Variants in ULK4 observed in about 807,000 individuals in gnomAD.
ULK4 encodes the protein unc-51 like kinase 4, also known as inactive serine/threonine-protein kinase ULK4.
ULK4 carries 133 observed loss-of-function variants against 160.6 expected under a neutral mutation model. The ratio of observed to expected loss-of-function variants is 0.83; its 90% confidence interval spans 0.72 to 0.96. The LOEUF is 0.96. Among genes scored for constraint, ULK4 ranks in the 40% least tolerant of loss-of-function variants. ULK4 has a pLI of 0.00. For missense variants in ULK4, 1,580 were observed against 1,499.5 expected, an observed-to-expected ratio of 1.05 and a Z score of -0.89; for synonymous variants, 534 against 539.8, an observed-to-expected ratio of 0.99 and a Z score of 0.15.
rs557235896 is a variant in ULK4 at position 41,851,966 on chromosome 3, T to G, written c.1657-15995A>C. 7.8e-4 allele frequency among the ~76,000 whole-genome samples: 119 copies of G among 152,244 alleles called. 2 individuals are homozygous for G. The highest frequency in any genetic ancestry group is 2.8e-3 in the African/African-American group (115 of 41,544). On this transcript the variant is annotated intron_variant, in intron 17 of 36. Coordinates refer to ENST00000301831, the MANE Select transcript of ULK4 (RefSeq NM_017886.4). ...AAAATCAACGAATCCAGGAGCTGGT[T>G]TTTTGGAAAGATCAACAAAATTGAT...
rs2085728909 is a variant in ULK4 at position 41,515,752 on chromosome 3, C to A, written c.3226+50273G>T. On this transcript the variant is annotated intron_variant, in intron 32 of 36. Coordinates refer to ENST00000301831, the MANE Select transcript of ULK4 (RefSeq NM_017886.4). ...AAGTGCCCCCATGATCCAGTTACTTCCACCTAGTCCCACCCTTGATATGTG... is the reference window on the plus strand; with the variant it reads ...AAGTGCCCCCATGATCCAGTTACTTACACCTAGTCCCACCCTTGATATGTG... Among the ~76,000 whole-genome samples the A allele has an allele frequency of 3.3e-5, 5 of 152,300 alleles. No individual in the cohort carries two copies. In the South Asian group the frequency reaches 1.0e-3, roughly 32 times the overall value.
Position 41,911,629 on chromosome 3 carries a change from T to C in ULK4, c.927A>G (p.Gln309=), listed in dbSNP as rs768637983. 15 of 1,613,788 alleles carry C rather than the reference T, an allele frequency of 9.3e-6. No homozygotes were observed. The highest frequency in any genetic ancestry group is 1.7e-5 in the Admixed American group (1 of 60,004). ...SRNTMECSGP[Q]DSKELLQNSQ... ...AGTTCTGCAAAAGCTCCTTGGAATC[T>C]TGTGGCCCAGAACACTCCATAGTGT... The change falls in exon 10 of 37, where the codon CAA becomes CAG. Residue 309 remains glutamine, a synonymous_variant. Transcript: ENST00000301831.
At chr3:41,608,599 C>T (rs1257595471) in intron 31 of ULK4, among the ~76,000 whole-genome samples, 1 of 152,106 alleles carries the variant, frequency 6.6e-6, no homozygotes, top group Non-Finnish European at 1.5e-5. Flanking sequence ...CAAAGAACTC[C>T]AAATACAAAT....
At chr3:41,540,053 A>C (rs974349004) in intron 32 of ULK4, among the ~76,000 whole-genome samples, 23 of 152,266 alleles carry the variant, frequency 1.5e-4, no homozygotes, top group Middle Eastern at 6.8e-3. Flanking sequence ...AGTAATTTAC[A>C]GAAAACAGTG....
chr3:41,849,532 G>A (rs1488969417), intron 17 of ULK4, among the ~76,000 whole-genome samples: 2 of 152,194 alleles, frequency 1.3e-5, no homozygotes, highest in Admixed American at 6.5e-5. Flanking sequence ...GCTTCGTAGG[G>A]TAGTGAAAAT....
chr3:41,522,561 T>C (rs1207185284), intron 32 of ULK4, among the ~76,000 whole-genome samples: 1 of 152,196 alleles, frequency 6.6e-6, no homozygotes, highest in Non-Finnish European at 1.5e-5. Context: ...AGAAAGCTTT[T>C]GGGATGAGGA....
In ULK4 at chr3:41,533,908, C is replaced by T. The variant is rs192427063; in HGVS notation, c.3226+32117G>A. Among the ~76,000 whole-genome samples, 921 of 152,268 alleles carry T rather than the reference C, an allele frequency of 6.0e-3. 36 individuals are homozygous for T. Among genetic ancestry groups the T allele is most frequent in the Admixed American group, 0.056 (854 of 15,300 alleles). On this transcript the variant is annotated intron_variant, in intron 32 of 36. Transcript: ENST00000301831. ...CTGCAAGCTCCGCCTCCTGGGTTCACGCCATTCTCCTGCCTCAGCCTCCTG... is the reference window on the plus strand; with the variant it reads ...CTGCAAGCTCCGCCTCCTGGGTTCATGCCATTCTCCTGCCTCAGCCTCCTG...
At chr3:41,336,010 AGAGGAAGG>A in intron 35 of ULK4, among the ~76,000 whole-genome samples, 1 of 152,344 alleles carries the variant, frequency 6.6e-6, no homozygotes, top group African/African-American at 2.4e-5. Context: ...AGGGATATTC[AGAGGAAGG>A]GAGGAAGGAA....
intron 35 of ULK4, among the ~76,000 whole-genome samples, chr3:41,367,351 G>T (rs1027484407): frequency 3.9e-5 from 6 of 152,214 alleles, no homozygotes; most frequent in Admixed American, 6.5e-5. Context: ...GATGAGAAAA[G>T]AATAAAGATA....
At chr3:41,858,548 A>G (rs1489397542) in intron 17 of ULK4, among the ~76,000 whole-genome samples, 2 of 142,144 alleles carry the variant, frequency 1.4e-5, no homozygotes, top group Non-Finnish European at 3.0e-5. Flanking sequence ...GCTGGAGTGC[A>G]GTGGCATGAT....
chr3:41,246,794 G>T lies in ULK4; in HGVS notation c.*135C>A. ...GGTTAGTGAGCACTTGGGCCACCAG[G>T]TTCTGGGTTAAGCTGACTTTATTAG... is the stretch of plus-strand genomic sequence containing the variant. On this transcript the variant is annotated 3_prime_UTR_variant, in exon 37 of 37. Transcript: ENST00000301831. 9.4e-7 allele frequency: 1 copy of T among 1,068,276 alleles called. No individual in the cohort carries two copies. The highest frequency in any genetic ancestry group is 1.3e-6 in the Non-Finnish European group (1 of 741,422). The allele number at this position is 1,068,276 out of a possible 1,614,324, so 66.2% of individuals were successfully genotyped here.
chr3:41,951,206 T>G (rs1576008776), intron 2 of ULK4, among the ~76,000 whole-genome samples: 3 of 143,892 alleles, frequency 2.1e-5, no homozygotes, highest in Middle Eastern at 3.8e-3. Flanking sequence ...TGTTTATGAA[T>G]TAGAAGGCAA....
At chr3:41,505,256 G>C (rs953862684) in intron 32 of ULK4, among the ~76,000 whole-genome samples, 2 of 152,054 alleles carry the variant, frequency 1.3e-5, no homozygotes. Context: ...AGAACATTGC[G>C]AACACCCAGA....
intron 12 of ULK4, among the ~76,000 whole-genome samples, chr3:41,907,245 T>G (rs545328612): frequency 6.6e-6 from 1 of 152,060 alleles, no homozygotes; most frequent in East Asian, 1.9e-4. Flanking sequence ...AAAACTGTGG[T>G]GATAGTTGCA....
chr3:41,309,149 A>G (rs1349719084), intron 35 of ULK4, among the ~76,000 whole-genome samples: 1 of 152,092 alleles, frequency 6.6e-6, no homozygotes, highest in African/African-American at 2.4e-5. Flanking sequence ...CTTTCTAGAA[A>G]ATTATCAGCT....
At position 41,246,696 on chromosome 3, in the gene ULK4, C is replaced by T. The variant is rs572372402; in HGVS notation, c.*233G>A. ...AAAGAACATTTCTGAGAACAGCTAA[C>T]AAACCTGGGCTTCCCAGATGCATTC... On this transcript the variant is annotated 3_prime_UTR_variant, in exon 37 of 37. Transcript: ENST00000301831. 7.7e-6 allele frequency: 4 copies of T among 520,606 alleles called. No homozygotes were observed. Among genetic ancestry groups the T allele is most frequent in the East Asian group, 3.1e-5 (1 of 32,746 alleles). 32.2% of individuals were successfully genotyped at this position (520,606 alleles called of 1,614,324 possible).
chr3:41,629,830 A>T lies in ULK4; in HGVS notation c.3072-14113T>A, dbSNP rs867226347. On this transcript the variant is annotated intron_variant, in intron 30 of 36. Transcript: ENST00000301831. Reference sequence around the variant, plus strand: ...ACATGGAGAAAGCTGGTCTCTATAAAAAAAAAAAATATAAAAATTAGCCAG... The same window carrying T: ...ACATGGAGAAAGCTGGTCTCTATAATAAAAAAAAATATAAAAATTAGCCAG... Among the ~76,000 whole-genome samples the T allele has an allele frequency of 7.8e-3, 784 of 100,222 alleles. 5 individuals carry two copies. The highest frequency in any genetic ancestry group is 0.031 in the African/African-American group (754 of 24,476). The allele number at this position is 100,222 out of a possible 152,430, so 65.7% of individuals were successfully genotyped here.
chr3:41,511,692 A>G (rs956678485), intron 32 of ULK4, among the ~76,000 whole-genome samples: 2 of 152,182 alleles, frequency 1.3e-5, no homozygotes, highest in Non-Finnish European at 2.9e-5. Context: ...ACAGATTCAC[A>G]ACTGAATTAT....
chr3:41,746,239 T>C (rs1186838985), intron 22 of ULK4, among the ~76,000 whole-genome samples: 2 of 119,936 alleles, frequency 1.7e-5, no homozygotes, highest in Non-Finnish European at 3.2e-5. Flanking sequence ...ACAGATGACA[T>C]GATTGGCTAT....
Sources: gnomAD v4.1 joint callset for allele counts (sites outside exome capture counted in the v4.1 genomes callset) on GRCh38, gnomAD v4.1.1 for gene constraint, MANE v1.5 for transcripts, NCBI Gene and HGNC (gene_info 2026-07-23, HGNC 2026-07-21) for gene names.